ATXN3L: variants seen among roughly 807,000 people sequenced by gnomAD.
The protein encoded by ATXN3L is ataxin-3-like protein.
For missense variants in ATXN3L, 283 were observed against 255.2 expected (o/e 1.11, Z -0.74); for synonymous variants, 98 against 96.1 (o/e 1.02, Z -0.12).
rs1602564667 is a variant in ATXN3L, at chrX:13,318,717, T to G, written c.*150A>C. On this transcript the variant is annotated 3_prime_UTR_variant, in exon 1 of 1. Transcript: ENST00000380622. ...GGCTAGTAGTTGAACGATCATTATT[T>G]AGTCCCACATCTCTCTCGTCATTTT... 2.4e-6 allele frequency: 1 copy of G among 418,143 alleles called. No individual in the cohort carries two copies. Among genetic ancestry groups the G allele is most frequent in the East Asian group, 4.0e-5 (1 of 25,028 alleles). The allele number at this position is 418,143 out of a possible 1,213,427, so 34.5% of individuals were successfully genotyped here.
In ATXN3L at chrX:13,319,634, T is replaced by G. The variant is rs1229239368; in HGVS notation, c.301A>C (p.Lys101Gln). Residue 101 changes from lysine (K) to glutamine (Q), a missense_variant, in exon 1 of 1, where the codon AAG becomes CAG. Lys to Gln is a moderately conservative substitution (Grantham distance 53, BLOSUM62 1). Coordinates refer to ENST00000380622, the MANE Select transcript of ATXN3L (RefSeq NM_001135995.2). ...IIHFNNPEYQ[K>Q]LGIDPINERS... The stretch of plus-strand genomic sequence containing the variant: ...TCATTTATAGGATCAATGCCGAGCT[T>G]CTGATATTCAGGATTATTGAAATGG... The G allele has an allele frequency of 8.3e-7, 1 of 1,209,233 alleles. No homozygotes were observed. Among genetic ancestry groups the G allele is most frequent in the African/African-American group, 1.7e-5 (1 of 57,937 alleles).
In ATXN3L at chrX:13,319,620, A is replaced by C; in HGVS notation, c.315T>G (p.Asp105Glu). Reference sequence around the variant, plus strand: ...ATATAAAAGATCTTTCATTTATAGGATCAATGCCGAGCTTCTGATATTCAG... The same window carrying C: ...ATATAAAAGATCTTTCATTTATAGGCTCAATGCCGAGCTTCTGATATTCAG... ...NNPEYQKLGI[D>E]PINERSFICN... Residue 105 changes from aspartate to glutamate, a missense_variant, in exon 1 of 1, where the codon GAT (aspartate) becomes GAG (glutamate). By Grantham distance (45) the Asp-to-Glu change is conservative. Coordinates refer to ENST00000380622, the MANE Select transcript of ATXN3L (RefSeq NM_001135995.2). The C allele has an allele frequency of 8.3e-7, 1 of 1,211,076 alleles. No homozygotes were observed. Among genetic ancestry groups the C allele is most frequent in the Non-Finnish European group, 1.1e-6 (1 of 894,976 alleles).
At position 13,319,760 on chromosome X, in the gene ATXN3L, GAT is replaced by G. The variant is rs1385810098; in HGVS notation, c.173_174del (p.Tyr58SerfsTer13). On this transcript the variant is annotated frameshift_variant, in exon 1 of 1. Transcript: ENST00000380622. LOFTEE classifies it low-confidence loss of function (END_TRUNC). ...MAEGGVTSEEYLAFLQQPSEN... is the reference protein window; with the variant it reads ...MAEGGVTSEEXLAFLQQPSEN... ...TCTGAAGGCTGCTGTAAAAATGCAA[GAT>G]ACTCTTCACTGGTGACTCCTCCTTC... 5 of 1,211,762 alleles carry G rather than the reference GAT, an allele frequency of 4.1e-6. No individual in the cohort carries two copies. The highest frequency in any genetic ancestry group is 5.6e-6 in the Non-Finnish European group (5 of 895,545).
In ATXN3L at chrX:13,318,869, A is replaced by G. The variant is rs1227367143; in HGVS notation, c.1066T>C (p.Ter356GlnextTer3). Residue 356 changes from the stop codon to glutamine (Q), a stop_lost, in exon 1 of 1, where the codon TAA becomes CAA. Transcript: ENST00000380622. ...RKNLKIKGEK[*>Q] ...TATCTAAATTATTTTTAAAGGCATT[A>G]TTTTTCCCCTTTGATTTTCAAATTC... is the stretch of plus-strand genomic sequence containing the variant. The G allele has an allele frequency of 3.4e-6, 4 of 1,188,274 alleles. No homozygotes were observed. In the Admixed American group the frequency reaches 6.9e-5, roughly 20 times the overall value.
chrX:13,319,507 A>G lies in ATXN3L; in HGVS notation c.428T>C (p.Ile143Thr). 8.3e-7 allele frequency: 1 copy of G among 1,211,767 alleles called. No homozygotes were observed. The highest frequency in any genetic ancestry group is 1.8e-5 in the South Asian group (1 of 56,981). ...GAAATTTGCAAGGCATGTATCTGAT[A>G]TTAATTCTGGACCCGCCAAGAGAGA... ...LNSLLAGPELISDTCLANFLA... is the reference protein window; with the variant it reads ...LNSLLAGPELTSDTCLANFLA... The change falls in exon 1 of 1, where the codon ATA (isoleucine) becomes ACA (threonine). Residue 143 changes from isoleucine (I) to threonine (T), a missense_variant. Coordinates refer to ENST00000380622, the MANE Select transcript of ATXN3L (RefSeq NM_001135995.2).
At position 13,319,085 on chromosome X, in the gene ATXN3L, C is replaced by G; in HGVS notation, c.850G>C (p.Glu284Gln). 1 of 1,211,113 alleles carries G rather than the reference C, an allele frequency of 8.3e-7. No individual in the cohort carries two copies. Among genetic ancestry groups the G allele is most frequent in the South Asian group, 1.8e-5 (1 of 56,950 alleles). Reference sequence around the variant, plus strand: ...TGCTGATGCTTTTCAAAATAGTCTTCTTTTATTTTCTTCGGCTGTTCTGAA... The same window carrying G: ...TGCTGATGCTTTTCAAAATAGTCTTGTTTTATTTTCTTCGGCTGTTCTGAA... ...PASEQPKKIK[E>Q]DYFEKHQQEQ... is the part of the protein sequence containing the mutation. Residue 284 changes from glutamate to glutamine, a missense_variant, in exon 1 of 1, where the codon GAA (glutamate) becomes CAA (glutamine). Physicochemically the swap from Glu to Gln is conservative, Grantham distance 29. Transcript: ENST00000380622.
chrX:13,319,621 T>C lies in ATXN3L; in HGVS notation c.314A>G (p.Asp105Gly), dbSNP rs547199495. The C allele has an allele frequency of 1.5e-3, 1,855 of 1,209,888 alleles. 22 individuals carry two copies. In the South Asian group the frequency reaches 0.031, roughly 20 times the overall value. ...TATAAAAGATCTTTCATTTATAGGA[T>C]CAATGCCGAGCTTCTGATATTCAGG... The part of the protein sequence containing the change: ...NNPEYQKLGI[D>G]PINERSFICN... The change falls in exon 1 of 1, where the codon GAT becomes GGT. Residue 105 changes from aspartate (D) to glycine (G), a missense_variant. Coordinates refer to ENST00000380622, the MANE Select transcript of ATXN3L (RefSeq NM_001135995.2).
Position 13,318,945 on chromosome X carries a change from A to T in ATXN3L, c.990T>A (p.Ser330Arg). Reference sequence around the variant, plus strand: ...CGACAGCGGCCTGTACTGTGCCTTCACTGATGTCATCACTGAGATCACTCT... The same window carrying T: ...CGACAGCGGCCTGTACTGTGCCTTCTCTGATGTCATCACTGAGATCACTCT... ...AIESDLSDDI[S>R]EGTVQAAVDT... Residue 330 changes from serine (S) to arginine (R), a missense_variant, in exon 1 of 1, where the codon AGT (serine) becomes AGA (arginine). Transcript: ENST00000380622. The T allele has an allele frequency of 8.3e-7, 1 of 1,211,708 alleles. No individual in the cohort carries two copies.
In ATXN3L at chrX:13,319,985, C is replaced by T. The variant is rs2044478663; in HGVS notation, c.-51G>A. ...AGGTATGCCGGAAGATGTTGTATGC[C>T]CAGCTATGGCAGTTACCTGGGCAGT... On this transcript the variant is annotated 5_prime_UTR_variant, in exon 1 of 1. Transcript: ENST00000380622. The T allele has an allele frequency of 2.0e-6, 2 of 995,081 alleles. No homozygotes were observed. Among genetic ancestry groups the T allele is most frequent in the Middle Eastern group, 5.7e-4 (2 of 3,528 alleles). The allele number at this position is 995,081 out of a possible 1,213,427, so 82.0% of individuals were successfully genotyped here.
At position 13,319,103 on chromosome X, in the gene ATXN3L, G is replaced by C; in HGVS notation, c.832C>G (p.Gln278Glu). The C allele has an allele frequency of 8.3e-7, 1 of 1,211,263 alleles. No individual in the cohort carries two copies. The highest frequency in any genetic ancestry group is 1.8e-5 in the South Asian group (1 of 56,976). Reference sequence around the variant, plus strand: ...TAGTCTTCTTTTATTTTCTTCGGCTGTTCTGAAGCAGGAGTTACACATGAT... The same window carrying C: ...TAGTCTTCTTTTATTTTCTTCGGCTCTTCTGAAGCAGGAGTTACACATGAT... Reference protein sequence around the residue: ...KTSCVTPASEQPKKIKEDYFE... With the variant: ...KTSCVTPASEEPKKIKEDYFE... Residue 278 changes from glutamine to glutamate, a missense_variant, in exon 1 of 1, where the codon CAG becomes GAG. Transcript: ENST00000380622.
rs1404824436 is a variant in ATXN3L at position 13,319,760 on chromosome X, G to C, written c.175C>G (p.Leu59Val). The C allele has an allele frequency of 3.3e-6, 4 of 1,211,762 alleles. No individual in the cohort carries two copies. Among genetic ancestry groups the C allele is most frequent in the Non-Finnish European group, 4.5e-6 (4 of 895,545 alleles). The change falls in exon 1 of 1, where the codon CTT (leucine) becomes GTT (valine). Residue 59 changes from leucine (L) to valine (V), a missense_variant. Coordinates refer to ENST00000380622, the MANE Select transcript of ATXN3L (RefSeq NM_001135995.2). The stretch of plus-strand genomic sequence containing the variant: ...TCTGAAGGCTGCTGTAAAAATGCAA[G>C]ATACTCTTCACTGGTGACTCCTCCT... ...AEGGVTSEEY[L>V]AFLQQPSENM...
At position 13,319,570 on chromosome X, in the gene ATXN3L, G is replaced by A; in HGVS notation, c.365C>T (p.Thr122Ile). The A allele has an allele frequency of 8.3e-7, 1 of 1,209,776 alleles. No homozygotes were observed. Among genetic ancestry groups the A allele is most frequent in the Non-Finnish European group, 1.1e-6 (1 of 893,998 alleles). The change falls in exon 1 of 1, where the codon ACT becomes ATT. Residue 122 changes from threonine to isoleucine, a missense_variant. Transcript: ENST00000380622. ...CCAGTGTTTTCCAAATTTTCTAATA[G>A]TAAACCAGTGTTGTTTATAATTACA... Reference protein sequence around the residue: ...FICNYKQHWFTIRKFGKHWFN... With the variant: ...FICNYKQHWFIIRKFGKHWFN...
chrX:13,319,327 C>T lies in ATXN3L; in HGVS notation c.608G>A (p.Arg203Lys), dbSNP rs1447100833. Residue 203 changes from arginine (R) to lysine (K), a missense_variant, in exon 1 of 1, where the codon AGA becomes AAA. Transcript: ENST00000380622. Reference protein sequence around the residue: ...GKKLVKQKEHRVYKTVLEKVS... With the variant: ...GKKLVKQKEHKVYKTVLEKVS... ...TTTTTCAAGGACTGTTTTATAGACT[C>T]TATGCTCTTTTTGTTTTACTAATTT... is the stretch of plus-strand genomic sequence containing the variant. The T allele has an allele frequency of 1.7e-6, 2 of 1,210,861 alleles. No homozygotes were observed. Among genetic ancestry groups the T allele is most frequent in the Admixed American group, 2.2e-5 (1 of 45,984 alleles).
rs1419729709 is a variant in ATXN3L at position 13,319,724 on chromosome X, C to T, written c.211G>A (p.Asp71Asn). Residue 71 changes from aspartate to asparagine, a missense_variant, in exon 1 of 1, where the codon GAT becomes AAT. Asp to Asn is a conservative substitution (Grantham distance 23). Transcript: ENST00000380622. Reference sequence around the variant, plus strand: ...ACCTGAATGGAGAAGAAACCGGTATCATCCATGTTTTCTGAAGGCTGCTGT... The same window carrying T: ...ACCTGAATGGAGAAGAAACCGGTATTATCCATGTTTTCTGAAGGCTGCTGT... ...FLQQPSENMD[D>N]TGFFSIQVIS... 8.3e-7 allele frequency: 1 copy of T among 1,211,708 alleles called. No individual in the cohort carries two copies. Among genetic ancestry groups the T allele is most frequent in the Non-Finnish European group, 1.1e-6 (1 of 895,352 alleles).
chrX:13,318,926 C>T lies in ATXN3L; in HGVS notation c.1009G>A (p.Ala337Thr), dbSNP rs750682579. 11 of 1,203,175 alleles carry T rather than the reference C, an allele frequency of 9.1e-6. No individual in the cohort carries two copies. In the Admixed American group the frequency reaches 1.4e-4, roughly 15 times the overall value. The part of the protein sequence containing the change: ...DDISEGTVQA[A>T]VDTILEIMRK... ...ATAATTTCTAAAATGGTGTCGACAG[C>T]GGCCTGTACTGTGCCTTCACTGATG... is the stretch of plus-strand genomic sequence containing the variant. The change falls in exon 1 of 1, where the codon GCT (alanine) becomes ACT (threonine). Residue 337 changes from alanine to threonine, a missense_variant. Transcript: ENST00000380622.
chrX:13,319,322 A>G lies in ATXN3L; in HGVS notation c.613T>C (p.Tyr205His). The G allele has an allele frequency of 1.7e-6, 2 of 1,211,026 alleles. No homozygotes were observed. The part of the protein sequence containing the change: ...KLVKQKEHRV[Y>H]KTVLEKVSEE... Reference sequence around the variant, plus strand: ...GATACTTTTTCAAGGACTGTTTTATAGACTCTATGCTCTTTTTGTTTTACT... The same window carrying G: ...GATACTTTTTCAAGGACTGTTTTATGGACTCTATGCTCTTTTTGTTTTACT... Residue 205 changes from tyrosine to histidine, a missense_variant, in exon 1 of 1, where the codon TAT (tyrosine) becomes CAT (histidine). Coordinates refer to ENST00000380622, the MANE Select transcript of ATXN3L (RefSeq NM_001135995.2).
In ATXN3L at chrX:13,319,887, C is replaced by T; in HGVS notation, c.48G>A (p.Gln16=). The change falls in exon 1 of 1, where the codon CAG becomes CAA. Residue 16 remains glutamine (Q), a synonymous_variant. Coordinates refer to ENST00000380622, the MANE Select transcript of ATXN3L (RefSeq NM_001135995.2). ...CTTGCAATAGATTGTTCAGACAGTGCTGAGCACACAGGAAACCTTCCTGTT... is the reference window on the plus strand; with the variant it reads ...CTTGCAATAGATTGTTCAGACAGTGTTGAGCACACAGGAAACCTTCCTGTT... ...HEKQEGFLCA[Q]HCLNNLLQGE... 1 of 1,210,427 alleles carries T rather than the reference C, an allele frequency of 8.3e-7. No individual in the cohort carries two copies. Among genetic ancestry groups the T allele is most frequent in the Non-Finnish European group, 1.1e-6 (1 of 894,837 alleles).
At position 13,319,797 on chromosome X, in the gene ATXN3L, C is replaced by T; in HGVS notation, c.138G>A (p.Met46Ile). ...TGGTGACTCCTCCTTCTGCCATTCTCATCCTCTCTTCTTCATCTAGCTGAT... is the reference window on the plus strand; with the variant it reads ...TGGTGACTCCTCCTTCTGCCATTCTTATCCTCTCTTCTTCATCTAGCTGAT... The part of the protein sequence containing the change: ...IAHQLDEEER[M>I]RMAEGGVTSE... The change falls in exon 1 of 1, where the codon ATG becomes ATA. Residue 46 changes from methionine (M) to isoleucine (I), a missense_variant. Transcript: ENST00000380622. The T allele has an allele frequency of 1.7e-6, 2 of 1,211,960 alleles. No homozygotes were observed. The highest frequency in any genetic ancestry group is 2.2e-6 in the Non-Finnish European group (2 of 895,442).
At position 13,318,810 on chromosome X, in the gene ATXN3L, TATA is replaced by T; in HGVS notation, c.*54_*56del. On this transcript the variant is annotated 3_prime_UTR_variant, in exon 1 of 1. Transcript: ENST00000380622. ...CAGATGACCAAAATGGATCCTACAGTATAATCACACAGGATAATGTTGGAAAGT... is the reference window on the plus strand; with the variant it reads ...CAGATGACCAAAATGGATCCTACAGTATCACACAGGATAATGTTGGAAAGT... The T allele has an allele frequency of 9.7e-7, 1 of 1,032,357 alleles. No individual in the cohort carries two copies. The highest frequency in any genetic ancestry group is 1.3e-6 in the Non-Finnish European group (1 of 758,814). The allele number at this position is 1,032,357 out of a possible 1,213,427, so 85.1% of individuals were successfully genotyped here. A position where few individuals can be genotyped will look rare whatever the true frequency, so the allele number is the denominator to read the frequency against.
Sources: gnomAD v4.1 joint callset for allele counts on GRCh38, gnomAD v4.1.1 for gene constraint, MANE v1.5 for transcripts, NCBI Gene and HGNC (gene_info 2026-07-23, HGNC 2026-07-21) for gene names.